Variants in THSD4 observed in about 807,000 individuals in gnomAD.
THSD4 encodes thrombospondin type-1 domain-containing protein 4.
Under a neutral mutation model 119.0 loss-of-function variants are expected in THSD4, and 69 were observed. The ratio of observed to expected loss-of-function variants is 0.58; its 90% CI spans 0.48 to 0.71. The LOEUF (loss-of-function observed/expected upper bound fraction) is 0.71. Ranked by LOEUF, THSD4 falls within the 30% of genes least tolerant of loss-of-function variation. THSD4 has a pLI of 0.00. For missense variants in THSD4, 1,393 were observed against 1,391.1 expected, an observed-to-expected ratio of 1.00 and a Z score of -0.02; for synonymous variants, 524 against 540.4, an observed-to-expected ratio of 0.97 and a Z score of 0.42.
intron 8 of THSD4, among the ~76,000 whole-genome samples, chr15:71,721,952 G>C (rs1456213783): frequency 4.0e-5 from 6 of 148,610 alleles, no homozygotes; most frequent in African/African-American, 7.3e-5. Context: ...ACTCCAGCCT[G>C]GGTGACAGAG....
intron 7 of THSD4, among the ~76,000 whole-genome samples, chr15:71,481,117 C>G (rs2047723645): frequency 6.6e-6 from 1 of 151,842 alleles, no homozygotes; most frequent in African/African-American, 2.4e-5. Context: ...CAACAACAAA[C>G]AAATAAAAAC....
chr15:71,388,805 C>A (rs2046328939), intron 6 of THSD4, among the ~76,000 whole-genome samples: 1 of 151,854 alleles, frequency 6.6e-6, no homozygotes, highest in South Asian at 2.1e-4. Flanking sequence ...ATAAAACTTA[C>A]CATCCAATAT....
intron 6 of THSD4, among the ~76,000 whole-genome samples, chr15:71,382,989 T>G (rs1268124581): frequency 1.3e-5 from 2 of 152,224 alleles, no homozygotes; most frequent in East Asian, 3.8e-4. Flanking sequence ...TTTGAAACAA[T>G]GAATTTTGAA....
intron 6 of THSD4, among the ~76,000 whole-genome samples, chr15:71,277,312 G>A (rs1316828576): frequency 2.0e-5 from 3 of 152,086 alleles, no homozygotes; most frequent in Admixed American, 6.5e-5. Flanking sequence ...TTGTAGTAGA[G>A]ACAGGGTTTT....
intron 7 of THSD4, among the ~76,000 whole-genome samples, chr15:71,529,521 C>G (rs2048578296): frequency 6.6e-6 from 1 of 152,200 alleles, no homozygotes; most frequent in African/African-American, 2.4e-5. Flanking sequence ...TTTTACCTAA[C>G]AGTCTCAATT....
At chr15:71,605,618 C>A (rs2050094349) in intron 7 of THSD4, among the ~76,000 whole-genome samples, 1 of 152,184 alleles carries the variant, frequency 6.6e-6, no homozygotes, top group Non-Finnish European at 1.5e-5. Context: ...TAGCCAGCAG[C>A]TGTGATGGGG....
intron 7 of THSD4, among the ~76,000 whole-genome samples, chr15:71,520,873 A>AT (rs1321640559): frequency 6.6e-6 from 1 of 152,196 alleles, no homozygotes; most frequent in Admixed American, 6.5e-5. Flanking sequence ...AGTGAAGAAG[A>AT]TATGTTTGCT....
At chr15:71,384,303 C>T (rs6494915) in intron 6 of THSD4, among the ~76,000 whole-genome samples, 149,479 of 152,146 alleles carry the variant, frequency 0.98, 73,488 homozygotes, top group Middle Eastern at 1. Context: ...GCGTGAACCC[C>T]GGAGGCGGAA....
At chr15:71,402,411 T>C (rs1291200508) in intron 6 of THSD4, among the ~76,000 whole-genome samples, 1 of 152,162 alleles carries the variant, frequency 6.6e-6, no homozygotes, top group Non-Finnish European at 1.5e-5. Context: ...AGCCATGTGA[T>C]ATACTCCCTT....
In THSD4 at chr15:71,172,917, T is replaced by C. The variant is rs1003044431; in HGVS notation, c.99+17985T>C. On this transcript the variant is annotated intron_variant, in intron 3 of 17. Transcript: ENST00000261862. ...TTACCCCAACATAATAAAGACCATA[T>C]AAGAAAAACCTACGGTGAACATCAT... Among the ~76,000 whole-genome samples the C allele has an allele frequency of 6.6e-5, 10 of 151,282 alleles. No homozygotes were observed. The East Asian group carries it at 2.0e-3, about 30-fold the overall frequency.
intron 7 of THSD4, among the ~76,000 whole-genome samples, chr15:71,449,605 A>G (rs766682652): frequency 2.6e-5 from 4 of 152,138 alleles, no homozygotes; most frequent in Non-Finnish European, 4.4e-5. Context: ...TTTTATTACC[A>G]TGTAATCTAA....
At chr15:71,109,192 G>C (rs1380177860) in intron 1 of THSD4, among the ~76,000 whole-genome samples, 1 of 152,134 alleles carries the variant, frequency 6.6e-6, no homozygotes, top group Non-Finnish European at 1.5e-5. Context: ...CACCCACTCA[G>C]GTGTTCTCTC....
At position 71,524,763 on chromosome 15, in the gene THSD4, ATTTTT is replaced by A. The variant is rs35666244; in HGVS notation, c.1152+112957_1152+112961del. ...AGGTGCCCACCACCACGCCCGGCTA[ATTTTT>A]TTTTTTTTTTTTTTTTGTATTTTTT... On this transcript the variant is annotated intron_variant, in intron 7 of 17. Coordinates refer to ENST00000261862, the MANE Select transcript of THSD4 (RefSeq NM_024817.3). 1.1e-4 allele frequency among the ~76,000 whole-genome samples: 13 copies of A among 116,102 alleles called. No homozygotes were observed. The South Asian group carries it at 1.8e-3, about 16-fold the overall frequency. 76.2% of individuals were successfully genotyped at this position (116,102 alleles called of 152,430 possible). A position where few individuals can be genotyped will look rare whatever the true frequency, so the allele number is the denominator to read the frequency against.
At chr15:71,742,860 G>C (rs1029375004) in intron 11 of THSD4, among the ~76,000 whole-genome samples, 26 of 152,114 alleles carry the variant, frequency 1.7e-4, no homozygotes, top group Non-Finnish European at 3.5e-4. Flanking sequence ...TTTAAGACAA[G>C]CCTGGACAAC....
At chr15:71,605,643 C>T (rs545072493) in intron 7 of THSD4, among the ~76,000 whole-genome samples, 16 of 152,250 alleles carry the variant, frequency 1.1e-4, no homozygotes, top group East Asian at 5.8e-4. Context: ...CTGGGAAGAA[C>T]GGCTTTGGGA....
chr15:71,662,441 C>T (rs2051329201), intron 8 of THSD4, among the ~76,000 whole-genome samples: 1 of 152,174 alleles, frequency 6.6e-6, no homozygotes, highest in African/African-American at 2.4e-5. Flanking sequence ...TGTGTTTCCT[C>T]CTTTCTTTTG....
intron 8 of THSD4, among the ~76,000 whole-genome samples, chr15:71,675,169 A>G (rs1241985533): frequency 2.0e-5 from 3 of 152,134 alleles, no homozygotes; most frequent in Admixed American, 6.6e-5. Context: ...GGCAGCCCCA[A>G]CAACAGAAGT....
chr15:71,312,080 T>C (rs2045118165), intron 6 of THSD4, among the ~76,000 whole-genome samples: 1 of 152,214 alleles, frequency 6.6e-6, no homozygotes, highest in Non-Finnish European at 1.5e-5. Flanking sequence ...TCTCTTTGTT[T>C]CCCTGCCCTC....
chr15:71,558,444 G>A (rs954877684), intron 7 of THSD4, among the ~76,000 whole-genome samples: 6 of 152,098 alleles, frequency 3.9e-5, no homozygotes, highest in African/African-American at 1.4e-4. Context: ...CATCTCTTAA[G>A]TTTTGATATA....
Sources: gnomAD v4.1 joint callset for allele counts (sites outside exome capture counted in the v4.1 genomes callset) on GRCh38, gnomAD v4.1.1 for gene constraint, MANE v1.5 for transcripts, NCBI Gene and HGNC (gene_info 2026-07-23, HGNC 2026-07-21) for gene names.